Variants in SGCZ observed in about 807,000 individuals in gnomAD.
SGCZ encodes sarcoglycan zeta.
SGCZ carries 40 observed loss-of-function variants against 41.3 expected under a neutral mutation model. The observed-to-expected ratio is 0.97, with a 90% CI of 0.75 to 1.26. The LOEUF is 1.26. Ranked by LOEUF, SGCZ falls within the 50% of genes most tolerant of loss-of-function variation. SGCZ has a pLI of 0.00. For missense variants in SGCZ, 552 were observed against 369.8 expected (o/e 1.49, Z -4.04); for synonymous variants, 206 against 137.5 (o/e 1.50, Z -3.49).
chr8:14,295,998 G>C (rs550119897), intron 3 of SGCZ, among the ~76,000 whole-genome samples: 26 of 152,262 alleles, frequency 1.7e-4, no homozygotes, highest in South Asian at 1.7e-3. Context: ...GGTACAGTCA[G>C]ATACTGCTGG....
intron 1 of SGCZ, among the ~76,000 whole-genome samples, chr8:15,005,513 T>G (rs959124159): frequency 2.0e-5 from 3 of 151,972 alleles, no homozygotes. Flanking sequence ...GTATTTTCAG[T>G]AGAGATGGTG....
intron 2 of SGCZ, among the ~76,000 whole-genome samples, chr8:14,350,257 T>TA (rs397787015): frequency 3.2e-4 from 48 of 151,512 alleles, no homozygotes; most frequent in Non-Finnish European, 1.0e-4. Context: ...TTTTTTTTTT[T>TA]ACCTAAGTAT....
At chr8:14,555,685 G>A (rs930512576) in intron 1 of SGCZ, among the ~76,000 whole-genome samples, 1 of 151,954 alleles carries the variant, frequency 6.6e-6, no homozygotes, top group African/African-American at 2.4e-5. Flanking sequence ...CCTGTTCTTT[G>A]CAGTAGAGAG....
intron 1 of SGCZ, among the ~76,000 whole-genome samples, chr8:15,118,767 C>T (rs950142730): frequency 5.3e-5 from 8 of 152,132 alleles, no homozygotes; most frequent in African/African-American, 1.9e-4. Context: ...GGAACTTAGG[C>T]TTTCAAAATT....
chr8:14,614,049 C>T (rs1043528804), intron 1 of SGCZ, among the ~76,000 whole-genome samples: 2 of 152,120 alleles, frequency 1.3e-5, no homozygotes, highest in East Asian at 3.9e-4. Flanking sequence ...AGGCCGCTCA[C>T]ACTCATTTGA....
At chr8:14,107,328 T>G (rs1329574322) in intron 6 of SGCZ, among the ~76,000 whole-genome samples, 1 of 152,180 alleles carries the variant, frequency 6.6e-6, no homozygotes, top group African/African-American at 2.4e-5. Context: ...ATAATTATCC[T>G]GGGAAGAATT....
At chr8:14,853,953 C>T (rs975406072) in intron 1 of SGCZ, among the ~76,000 whole-genome samples, 22 of 147,910 alleles carry the variant, frequency 1.5e-4, no homozygotes, top group African/African-American at 5.2e-4. Context: ...AGGCCTATAT[C>T]AAAGGTCGAA....
chr8:14,888,631 T>C (rs556480247), intron 1 of SGCZ, among the ~76,000 whole-genome samples: 2 of 152,290 alleles, frequency 1.3e-5, no homozygotes, highest in African/African-American at 2.4e-5. Context: ...AAAGAAAATA[T>C]TGACTCCTTT....
intron 1 of SGCZ, among the ~76,000 whole-genome samples, chr8:14,570,667 G>A (rs1804523205): frequency 2.0e-5 from 3 of 152,058 alleles, no homozygotes. Context: ...ATTTAAATCA[G>A]AGAACAAAGT....
rs551368605 is a variant in SGCZ at position 14,118,478 on chromosome 8, G to C, written c.548-10243C>G. On this transcript the variant is annotated intron_variant, in intron 5 of 7. Coordinates refer to ENST00000382080, the MANE Select transcript of SGCZ (RefSeq NM_139167.4). The stretch of plus-strand genomic sequence containing the variant: ...GGATATTAGCCCTTTGTCAGATAAA[G>C]AGATTGCAAAAACTTTCTCCCATTC... Among the ~76,000 whole-genome samples, 464 of 152,166 alleles carry C rather than the reference G, an allele frequency of 3.0e-3. 2 individuals carry two copies. Among genetic ancestry groups the C allele is most frequent in the Non-Finnish European group, 5.3e-3 (362 of 67,980 alleles).
chr8:14,558,217 C>T (rs951340646), intron 1 of SGCZ, among the ~76,000 whole-genome samples: 3 of 152,092 alleles, frequency 2.0e-5, no homozygotes, highest in Non-Finnish European at 2.9e-5. Context: ...GGATTCACAG[C>T]TGAATTCTAC....
In SGCZ at chr8:14,512,668, G is replaced by A. The variant is rs1802501811; in HGVS notation, c.234+42064C>T. Among the ~76,000 whole-genome samples, 3 of 151,702 alleles carry A rather than the reference G, an allele frequency of 2.0e-5. No individual in the cohort carries two copies. The South Asian group carries it at 6.2e-4, about 32-fold the overall frequency. On this transcript the variant is annotated intron_variant, in intron 2 of 7. Coordinates refer to ENST00000382080, the MANE Select transcript of SGCZ (RefSeq NM_139167.4). ...TTTTGTGGAGACTTGGTCCCATTAT[G>A]TTGCCCAGGCTGGTTTGAACCCCTG...
intron 2 of SGCZ, among the ~76,000 whole-genome samples, chr8:14,437,524 T>G (rs947106813): frequency 6.6e-6 from 1 of 152,082 alleles, no homozygotes; most frequent in African/African-American, 2.4e-5. Context: ...AGCAATACAT[T>G]TTTCATAAAA....
chr8:15,218,798 T>C (rs1801499464), intron 1 of SGCZ, among the ~76,000 whole-genome samples: 1 of 152,226 alleles, frequency 6.6e-6, no homozygotes, highest in African/African-American at 2.4e-5. Flanking sequence ...ATAACTATCC[T>C]ATTACAGTCT....
At chr8:14,811,731 A>G (rs1187604657) in intron 1 of SGCZ, among the ~76,000 whole-genome samples, 1 of 151,922 alleles carries the variant, frequency 6.6e-6, no homozygotes, top group Non-Finnish European at 1.5e-5. Flanking sequence ...CCGTGATCAT[A>G]CAGAAGCAAT....
intron 5 of SGCZ, among the ~76,000 whole-genome samples, chr8:14,129,955 C>G (rs1802987956): frequency 2.0e-5 from 3 of 152,136 alleles, no homozygotes; most frequent in Non-Finnish European, 2.9e-5. Flanking sequence ...ATCAAAATCA[C>G]AACAGCCATT....
intron 1 of SGCZ, among the ~76,000 whole-genome samples, chr8:14,728,386 A>AG (rs1239987374): frequency 2.0e-5 from 3 of 151,778 alleles, no homozygotes; most frequent in African/African-American, 7.2e-5. Flanking sequence ...AAAGAAAAAA[A>AG]AAACATAATA....
intron 2 of SGCZ, among the ~76,000 whole-genome samples, chr8:14,362,957 G>A (rs1010425012): frequency 1.3e-5 from 2 of 152,178 alleles, no homozygotes; most frequent in Non-Finnish European, 2.9e-5. Flanking sequence ...GTGGTAAGAT[G>A]TGAGTTTTTA....
intron 1 of SGCZ, among the ~76,000 whole-genome samples, chr8:14,904,577 G>A (rs1585365643): frequency 1.3e-5 from 2 of 151,702 alleles, no homozygotes; most frequent in African/African-American, 4.8e-5. Context: ...TCTGTAAAAT[G>A]GTATTCATAT....
Sources: gnomAD v4.1 joint callset for allele counts (sites outside exome capture counted in the v4.1 genomes callset) on GRCh38, gnomAD v4.1.1 for gene constraint, MANE v1.5 for transcripts, NCBI Gene and HGNC (gene_info 2026-07-23, HGNC 2026-07-21) for gene names.